Variants in ADGRG1 observed in about 807,000 individuals in gnomAD.
The protein encoded by ADGRG1 is adhesion G protein-coupled receptor G1, also known as 7-transmembrane protein with no EGF-like N-terminal domains-1.
ADGRG1 carries 53 observed loss-of-function variants against 73.5 expected under a neutral mutation model. The observed-to-expected ratio is 0.72, with a 90% CI of 0.58 to 0.91. ADGRG1 has a LOEUF of 0.91. Among genes scored for constraint, ADGRG1 ranks in the 40% least tolerant of loss-of-function variants. The pLI is 0.00. For missense variants in ADGRG1, 795 were observed against 871.8 expected (o/e 0.91, Z 1.11); for synonymous variants, 394 against 374.4 (o/e 1.05, Z -0.60).
intron 12 of ADGRG1, chr16:57,661,197 G>A: frequency 1.4e-6 from 1 of 700,350 alleles, no homozygotes. Flanking sequence ...GTCTCCCCAT[G>A]CAGATGGGAA....
intron 10 of ADGRG1, among the ~76,000 whole-genome samples, chr16:57,658,264 T>A (rs1038168312): frequency 1.3e-5 from 2 of 152,216 alleles, no homozygotes; most frequent in African/African-American, 4.8e-5. Context: ...CTGTTCTAAG[T>A]GTTTTACATG....
chr16:57,638,045 T>G (rs547353054), intron 1 of ADGRG1, among the ~76,000 whole-genome samples: 188 of 152,342 alleles, frequency 1.2e-3, no homozygotes, highest in African/African-American at 4.0e-3. Flanking sequence ...ACCACAGTTT[T>G]TATGTCCTTT....
At chr16:57,630,296 A>G in intron 1 of ADGRG1, 3 of 891,126 alleles carry the variant, frequency 3.4e-6, no homozygotes, top group Non-Finnish European at 4.0e-6. Flanking sequence ...CCCAGAGCCC[A>G]GGCAGGGGTC....
intron 1 of ADGRG1, chr16:57,639,830 G>A (rs1975629): frequency 4.3e-6 from 4 of 928,806 alleles, no homozygotes; most frequent in South Asian, 5.0e-5. Context: ...TTCCTCTCCC[G>A]TGCATTCCCC....
In ADGRG1 at chr16:57,628,901, AGTGT is replaced by A. The variant is rs764570782; in HGVS notation, c.-36+101_-36+104del. On this transcript the variant is annotated intron_variant, in intron 1 of 13. Transcript: ENST00000562631. ...GAGTGTGTGAGAGTGTGAGTGTGTG[AGTGT>A]GAGTGTGTGAGAGTGAGTGTGAGTG... 1.1e-5 allele frequency: 10 copies of A among 876,100 alleles called. 1 individual carries two copies. The highest frequency in any genetic ancestry group is 1.3e-5 in the Non-Finnish European group (10 of 758,166). 54.3% of individuals were successfully genotyped at this position (876,100 alleles called of 1,614,324 possible). A position where few individuals can be genotyped will look rare whatever the true frequency, so the allele number is the denominator to read the frequency against.
chr16:57,649,813 T>G (rs1369158852), intron 1 of ADGRG1, among the ~76,000 whole-genome samples: 2 of 151,922 alleles, frequency 1.3e-5, no homozygotes, highest in African/African-American at 2.4e-5. Flanking sequence ...GGTCTCACTC[T>G]GTCACCCAGG....
At chr16:57,647,832 C>T (rs891626832) in intron 1 of ADGRG1, 26 of 937,026 alleles carry the variant, frequency 2.8e-5, no homozygotes, top group African/African-American at 7.1e-5. Context: ...GGATTTCTTC[C>T]GTGGAACCCC....
At chr16:57,645,255 C>T in intron 1 of ADGRG1, 1 of 985,430 alleles carries the variant, frequency 1.0e-6, no homozygotes, top group East Asian at 1.1e-4. Context: ...TTCCCCTCTG[C>T]CTCTCCCAGC....
At position 57,648,447 on chromosome 16, in the gene ADGRG1, C is replaced by T. The variant is rs542269972; in HGVS notation, c.-35-1806C>T. 45 of 980,912 alleles carry T rather than the reference C, an allele frequency of 4.6e-5. 1 individual carries two copies. Among genetic ancestry groups the T allele is most frequent in the South Asian group, 4.2e-4 (9 of 21,218 alleles). 60.8% of individuals were successfully genotyped at this position (980,912 alleles called of 1,614,324 possible). On this transcript the variant is annotated intron_variant, in intron 1 of 13. Coordinates refer to ENST00000562631, the MANE Select transcript of ADGRG1 (RefSeq NM_201525.4). Reference sequence around the variant, plus strand: ...CAAGATGATGTGCCTATTTGACCTACGACTGAACTGACAAGGCCTGAGAAA... The same window carrying T: ...CAAGATGATGTGCCTATTTGACCTATGACTGAACTGACAAGGCCTGAGAAA...
chr16:57,662,431 C>G (rs2047407748), intron 13 of ADGRG1, among the ~76,000 whole-genome samples: 1 of 152,118 alleles, frequency 6.6e-6, no homozygotes, highest in Non-Finnish European at 1.5e-5. Context: ...CTCCCTACTC[C>G]AGGCGCGGTC....
At chr16:57,650,069 C>T (rs891301099) in intron 1 of ADGRG1, 184 bp from the exon 2 acceptor site, 100 of 938,908 alleles carry the variant, frequency 1.1e-4, no homozygotes, top group Middle Eastern at 5.4e-4. Context: ...TAAGTCACCA[C>T]GCCTGGCCTC....
chr16:57,643,323 A>C (rs150687243), intron 1 of ADGRG1: 1 of 152,606 alleles, frequency 6.6e-6, no homozygotes, highest in Non-Finnish European at 1.5e-5. Flanking sequence ...GCAAATGCCC[A>C]GTTCCGCATA....
intron 3 of ADGRG1, among the ~76,000 whole-genome samples, chr16:57,652,468 C>T (rs924720194): frequency 6.6e-6 from 1 of 152,158 alleles, no homozygotes; most frequent in South Asian, 2.1e-4. Context: ...GGGGGTTCCC[C>T]ACACCCCAGG....
upstream of ADGRG1, chr16:57,623,098 CCT>C: frequency 1.0e-6 from 1 of 979,298 alleles, no homozygotes; most frequent in South Asian, 4.7e-5. Flanking sequence ...AGTCCCTTTC[CCT>C]CTCTGAGTCT....
At chr16:57,658,501 C>A (rs1567800993) in intron 10 of ADGRG1, among the ~76,000 whole-genome samples, 1 of 152,230 alleles carries the variant, frequency 6.6e-6, no homozygotes, top group Non-Finnish European at 1.5e-5. Context: ...GAAAGTGAAG[C>A]TGTATTTATG....
intron 1 of ADGRG1, chr16:57,644,939 A>T: frequency 3.2e-6 from 1 of 310,962 alleles, no homozygotes; most frequent in Non-Finnish European, 4.6e-6. Context: ...ACACTCATGC[A>T]CGGGCACCCA....
chr16:57,627,714 C>T (rs1390945641), upstream of ADGRG1: 1 of 753,228 alleles, frequency 1.3e-6, no homozygotes, highest in Non-Finnish European at 1.6e-6. Flanking sequence ...ACTGAGGAAT[C>T]ATCTATCCTC....
At chr16:57,620,102 G>C (rs1294855146), upstream of ADGRG1, 1 of 152,360 alleles carries the variant, frequency 6.6e-6, no homozygotes, top group African/African-American at 2.4e-5. Flanking sequence ...GGCCACACAG[G>C]CACAGGCCGG....
At chr16:57,641,411 G>A (rs2040790162) in intron 1 of ADGRG1, 1 of 979,562 alleles carries the variant, frequency 1.0e-6, no homozygotes, top group African/African-American at 1.8e-5. Flanking sequence ...GACCACCCCA[G>A]GAGCATAAGC....
Sources: gnomAD v4.1 joint callset for allele counts (sites outside exome capture counted in the v4.1 genomes callset) on GRCh38, gnomAD v4.1.1 for gene constraint, MANE v1.5 for transcripts, NCBI Gene and HGNC (gene_info 2026-07-23, HGNC 2026-07-21) for gene names.